The following GPRC5D variants were observed in gnomAD, a reference collection of about 807,000 sequenced individuals.
GPRC5D encodes the protein G protein-coupled receptor family C group 5 member D.
GPRC5D carries 20 observed loss-of-function variants against 29.3 expected under a neutral mutation model. That is an observed-to-expected ratio of 0.68 (90% CI 0.48 to 0.99). The LOEUF is 0.99. Ranked by LOEUF, GPRC5D falls within the 50% of genes least tolerant of loss-of-function variation. GPRC5D has a pLI of 0.00. For missense variants in GPRC5D, 384 were observed against 423.6 expected (o/e 0.91, Z 0.82); for synonymous variants, 178 against 171.3 (o/e 1.04, Z -0.30).
In GPRC5D at chr12:12,942,896, G is replaced by A. The variant is rs533405150; in HGVS notation, c.896-568C>T. ...GACCACTAGCTCCAAGTCAGTTCTTGCTCTCTCAGTATTACCGTGTGGCCT... is the reference window on the plus strand; with the variant it reads ...GACCACTAGCTCCAAGTCAGTTCTTACTCTCTCAGTATTACCGTGTGGCCT... On this transcript the variant is annotated intron_variant, in intron 1 of 2. Transcript: ENST00000228887. 2.6e-5 allele frequency among the ~76,000 whole-genome samples: 4 copies of A among 152,314 alleles called. No individual in the cohort carries two copies. The South Asian group carries it at 8.3e-4, about 32-fold the overall frequency.
At chr12:12,951,889 G>A (rs1863505742), upstream of GPRC5D, among the ~76,000 whole-genome samples, 1 of 151,962 alleles carries the variant, frequency 6.6e-6, no homozygotes, top group Non-Finnish European at 1.5e-5. Context: ...GTACAAAATG[G>A]TCCCTTTCTT....
upstream of GPRC5D, among the ~76,000 whole-genome samples, chr12:12,951,882 C>T (rs1040879384): frequency 6.6e-6 from 1 of 152,072 alleles, no homozygotes. Flanking sequence ...AAGAATTGTA[C>T]AAAATGGTCC....
chr12:12,951,682 G>C (rs1863499980), upstream of GPRC5D, among the ~76,000 whole-genome samples: 4 of 152,184 alleles, frequency 2.6e-5, no homozygotes, highest in South Asian at 8.3e-4. Flanking sequence ...TCAGACTCCA[G>C]AACAAGGACT....
upstream of GPRC5D, among the ~76,000 whole-genome samples, chr12:12,950,750 T>C (rs1044512788): frequency 1.3e-5 from 2 of 151,812 alleles, no homozygotes; most frequent in Admixed American, 1.3e-4. Context: ...GAGTTTACAT[T>C]GAGCCGAGAT....
At chr12:12,941,648 G>A (rs1020521146) in intron 2 of GPRC5D, among the ~76,000 whole-genome samples, 1 of 152,090 alleles carries the variant, frequency 6.6e-6, no homozygotes, top group African/African-American at 2.4e-5. Flanking sequence ...TGATGTTTTT[G>A]GCTGTTTAGA....
chr12:12,941,173 A>AG (rs1299619303), intron 2 of GPRC5D, among the ~76,000 whole-genome samples: 2 of 152,178 alleles, frequency 1.3e-5, no homozygotes, highest in Non-Finnish European at 2.9e-5. Flanking sequence ...ACCCTCCCAA[A>AG]GTGCTGGGAT....
chr12:12,941,714 G>A (rs146742646), intron 2 of GPRC5D, among the ~76,000 whole-genome samples: 1 of 152,284 alleles, frequency 6.6e-6, no homozygotes, highest in African/African-American at 2.4e-5. Flanking sequence ...AAACTACTCA[G>A]CAGTGCTCCC....
intron 1 of GPRC5D, 135 bp from the exon 3 acceptor site, chr12:12,942,463 G>C: frequency 1.6e-6 from 1 of 637,102 alleles, no homozygotes; most frequent in East Asian, 2.8e-5. Context: ...GGCTGGGCAC[G>C]GTGGCTCACG....
intron 1 of GPRC5D, among the ~76,000 whole-genome samples, chr12:12,944,850 CTTCT>C (rs57581481): frequency 0.015 from 520 of 34,450 alleles, 47 homozygotes; most frequent in African/African-American, 0.035. Context: ...TCCTTCCTTC[CTTCT>C]TTCTTTCTTT....
chr12:12,942,833 G>A (rs1242514609), intron 1 of GPRC5D, among the ~76,000 whole-genome samples: 2 of 152,228 alleles, frequency 1.3e-5, no homozygotes, highest in Non-Finnish European at 2.9e-5. Flanking sequence ...AGCGTGGGTA[G>A]CGTGTGAGTG....
chr12:12,945,296 C>T (rs958179719), intron 1 of GPRC5D, among the ~76,000 whole-genome samples: 10 of 152,212 alleles, frequency 6.6e-5, no homozygotes, highest in Middle Eastern at 3.4e-3. Context: ...TGAGCCACCA[C>T]GCCGGGCCAA....
intron 1 of GPRC5D, chr12:12,948,683 A>G (rs1369908960): frequency 1.3e-5 from 2 of 152,388 alleles, no homozygotes; most frequent in Admixed American, 1.3e-4. Context: ...ATATTTCCAG[A>G]TAATTAAAAT....
At chr12:12,948,378 A>T (rs1204155361) in intron 1 of GPRC5D, 1 of 154,294 alleles carries the variant, frequency 6.5e-6, no homozygotes, top group Non-Finnish European at 1.5e-5. Context: ...AACTGAACTG[A>T]AAAGAATCAA....
intron 1 of GPRC5D, among the ~76,000 whole-genome samples, chr12:12,945,133 A>G (rs1486413540): frequency 6.6e-6 from 1 of 151,342 alleles, no homozygotes; most frequent in Non-Finnish European, 1.5e-5. Context: ...CCTCACAAGT[A>G]GCAGGGACTA....
At position 12,949,489 on chromosome 12, in the gene GPRC5D, C is replaced by T. The variant is rs1156491992; in HGVS notation, c.895+1G>A. ...GCTCCCTGAATCCCCCAGGAATGTA[C>T]CTCTGGAGAGCTCCTGGTTCTCCAC... On this transcript the variant is annotated splice_donor_variant, in intron 1 of 2. Coordinates refer to ENST00000228887, the Ensembl canonical transcript of GPRC5D. LOFTEE classifies it high-confidence loss of function. 1.2e-6 allele frequency: 2 copies of T among 1,611,104 alleles called. No homozygotes were observed. Among genetic ancestry groups the T allele is most frequent in the South Asian group, 1.1e-5 (1 of 90,648 alleles).
intron 1 of GPRC5D, 56 bp downstream of exon 2, chr12:12,949,434 C>T: frequency 6.2e-6 from 9 of 1,448,384 alleles, no homozygotes; most frequent in Non-Finnish European, 7.5e-6. Flanking sequence ...CATGATTTTT[C>T]TCCTGCTTCT....
chr12:12,946,704 C>T (rs1253883709), intron 1 of GPRC5D, among the ~76,000 whole-genome samples: 2 of 152,084 alleles, frequency 1.3e-5, no homozygotes, highest in African/African-American at 4.8e-5. Flanking sequence ...ATCTGCCTGC[C>T]TTGGCCTCTC....
intron 2 of GPRC5D, among the ~76,000 whole-genome samples, chr12:12,941,454 A>G (rs1020352367): frequency 2.6e-5 from 4 of 152,228 alleles, no homozygotes; most frequent in African/African-American, 9.6e-5. Context: ...ATTAAAGCAC[A>G]TGATATAGTT....
intron 1 of GPRC5D, among the ~76,000 whole-genome samples, chr12:12,943,546 T>C (rs987612235): frequency 1.3e-5 from 2 of 152,232 alleles, no homozygotes; most frequent in Non-Finnish European, 2.9e-5. Context: ...AGCTATCCTT[T>C]GTGTATGATT....
Sources: allele counts gnomAD v4.1 joint callset (sites outside exome capture counted in the v4.1 genomes callset), GRCh38; gene constraint gnomAD v4.1.1; transcripts MANE v1.5; gene names NCBI Gene and HGNC (gene_info 2026-07-23, HGNC 2026-07-21).